COL28A1: variants seen among roughly 807,000 people sequenced by gnomAD.
The protein encoded by COL28A1 is collagen alpha-1(XXVIII) chain.
In COL28A1, 161 loss-of-function variants were observed where a neutral mutation model predicts 150.2. The ratio of observed to expected loss-of-function variants is 1.07; its 90% CI spans 0.94 to 1.22. The LOEUF is 1.22. COL28A1 is among the 50% of genes most tolerant of loss of function. The pLI, the probability that COL28A1 is intolerant of heterozygous loss-of-function variation, is 0.00. For synonymous variants in COL28A1, 552 were observed against 469.7 expected (o/e 1.18, Z -2.26); for missense variants, 1,617 against 1,388.3 (o/e 1.16, Z -2.62).
rs560625871 is a variant in COL28A1 at position 7,412,580 on chromosome 7, T to C, written c.2136+5279A>G. On this transcript the variant is annotated intron_variant, in intron 27 of 34. Transcript: ENST00000399429. ...TGAATAGCTGCAAACATTTTCCATA[T>C]ATATAACCATGTATTACATGCATTA... Among the ~76,000 whole-genome samples, 21 of 152,224 alleles carry C rather than the reference T, an allele frequency of 1.4e-4. 1 individual carries two copies. The highest frequency in any genetic ancestry group is 4.3e-4 in the African/African-American group (18 of 41,478).
intron 32 of COL28A1, among the ~76,000 whole-genome samples, chr7:7,371,139 T>C (rs1781204576): frequency 6.6e-6 from 1 of 152,182 alleles, no homozygotes; most frequent in Admixed American, 6.5e-5. Context: ...CGTGAATCAC[T>C]CCTTGTCAAG....
At chr7:7,538,476 A>C (rs1188915431), upstream of COL28A1, among the ~76,000 whole-genome samples, 1 of 152,228 alleles carries the variant, frequency 6.6e-6, no homozygotes, top group Non-Finnish European at 1.5e-5. Context: ...AGTGTTTATC[A>C]GTCACTTGAG....
the COL28A1 span, among the ~76,000 whole-genome samples, chr7:7,341,253 A>C: frequency 2.6e-5 from 4 of 152,134 alleles, no homozygotes; most frequent in African/African-American, 7.2e-5. Context: ...GAGATGTGTC[A>C]ATTTTATTAG....
chr7:7,443,209 A>C (rs1583385669), intron 20 of COL28A1, among the ~76,000 whole-genome samples: 1 of 152,196 alleles, frequency 6.6e-6, no homozygotes, highest in African/African-American at 2.4e-5. Context: ...GTGAAGTGAA[A>C]TGGCCATTCA....
At chr7:7,406,443 G>C (rs571920782) in intron 27 of COL28A1, among the ~76,000 whole-genome samples, 2 of 152,204 alleles carry the variant, frequency 1.3e-5, no homozygotes, top group South Asian at 4.2e-4. Flanking sequence ...GAAGGAGAGG[G>C]GGATAAAAGA....
At chr7:7,443,532 C>T in intron 20 of COL28A1, 53 bp downstream of exon 20, 1 of 1,601,094 alleles carries the variant, frequency 6.2e-7, no homozygotes, top group Non-Finnish European at 8.5e-7. Context: ...GTTGGCTCCT[C>T]AGTATGAGGA....
intron 27 of COL28A1, among the ~76,000 whole-genome samples, chr7:7,394,207 G>T (rs1782714791): frequency 1.3e-5 from 2 of 152,116 alleles, no homozygotes; most frequent in Non-Finnish European, 2.9e-5. Flanking sequence ...GACCCCTTGT[G>T]CTTTCCAGGT....
At chr7:7,453,108 G>A (rs1786843330) in intron 17 of COL28A1, among the ~76,000 whole-genome samples, 1 of 152,160 alleles carries the variant, frequency 6.6e-6, no homozygotes, top group Admixed American at 6.5e-5. Flanking sequence ...TCAGAGTGGT[G>A]GTGAGAATGA....
chr7:7,522,019 A>G (rs1443090094), intron 4 of COL28A1, 58 bp from the exon 5 acceptor site: 1 of 832,776 alleles, frequency 1.2e-6, no homozygotes, highest in African/African-American at 1.7e-5. Flanking sequence ...TGTATGCAGC[A>G]TTTCAAATTG....
At chr7:7,356,308 C>A (rs1178872050), downstream of COL28A1, 1 of 152,100 alleles carries the variant, frequency 6.6e-6, no homozygotes, top group Non-Finnish European at 1.5e-5. Context: ...GTCAACAGCA[C>A]ATTGACATGG....
chr7:7,497,291 A>G (rs1780272672), intron 11 of COL28A1, among the ~76,000 whole-genome samples: 1 of 152,232 alleles, frequency 6.6e-6, no homozygotes, highest in Admixed American at 6.5e-5. Context: ...CAAAATGCTT[A>G]ACTACTTAAT....
intron 25 of COL28A1, among the ~76,000 whole-genome samples, chr7:7,427,062 GTACGTACA>G (rs1486224336): frequency 1.3e-5 from 2 of 152,184 alleles, no homozygotes; most frequent in Non-Finnish European, 1.5e-5. Flanking sequence ...TGAAGGAAAA[GTACGTACA>G]TACTCATAAG....
chr7:7,381,642 A>T, intron 27 of COL28A1, 30 bp from the exon 28 acceptor site: 2 of 1,564,230 alleles, frequency 1.3e-6, no homozygotes, highest in Non-Finnish European at 1.8e-6. Context: ...GAGATGTTCT[A>T]TTAATTTCCC....
At chr7:7,349,889 T>TC in the COL28A1 span, among the ~76,000 whole-genome samples, 188 of 152,140 alleles carry the variant, frequency 1.2e-3, 1 homozygote, top group Non-Finnish European at 2.2e-3. Context: ...AAGGGAAAAT[T>TC]CCAAAGGGAA....
Position 7,440,842 on chromosome 7 carries a change from C to A in COL28A1, c.1670G>T (p.Gly557Val). ...CCTCTGTCCTTGATTTCCTTTGCTCCCTTTCTTGCCTTCGTCACCCTAACA... is the reference window on the plus strand; with the variant it reads ...CCTCTGTCCTTGATTTCCTTTGCTCACTTTCTTGCCTTCGTCACCCTAACA... ...PGPKGDEGKK[G>V]SKGNQGQRGL... The change falls in exon 21 of 35, where the codon GGG becomes GTG. Residue 557 changes from glycine (G) to valine (V), a missense_variant. Transcript: ENST00000399429. 6.5e-7 allele frequency: 1 copy of A among 1,536,410 alleles called. No individual in the cohort carries two copies. Among genetic ancestry groups the A allele is most frequent in the Non-Finnish European group, 9.0e-7 (1 of 1,109,882 alleles).
At chr7:7,436,235 A>G (rs987768) in intron 23 of COL28A1, among the ~76,000 whole-genome samples, 160 bp downstream of exon 23, 1 of 152,186 alleles carries the variant, frequency 6.6e-6, no homozygotes, top group East Asian at 1.9e-4. Context: ...AAAATAAACT[A>G]TGTGATTGCT....
At chr7:7,446,374 T>A (rs930000786) in intron 18 of COL28A1, among the ~76,000 whole-genome samples, 1 of 152,110 alleles carries the variant, frequency 6.6e-6, no homozygotes, top group Non-Finnish European at 1.5e-5. Context: ...GAGAAAAATA[T>A]GAATTATATA....
chr7:7,374,916 T>C (rs1781462607), intron 31 of COL28A1, among the ~76,000 whole-genome samples: 1 of 152,210 alleles, frequency 6.6e-6, no homozygotes, highest in East Asian at 1.9e-4. Context: ...ATTTCTTTAC[T>C]TCCTCTTTCT....
rs1780858159 is a variant in COL28A1 at position 7,507,176 on chromosome 7, T to C, written c.928-15A>G. 1 of 1,085,866 alleles carries C rather than the reference T, an allele frequency of 9.2e-7. No individual in the cohort carries two copies. The highest frequency in any genetic ancestry group is 2.4e-5 in the East Asian group (1 of 41,760). The allele number at this position is 1,085,866 out of a possible 1,614,324, so 67.3% of individuals were successfully genotyped here. ...CCTGGGGATCCCTGTGGAATAAAAT[T>C]GAAAATAAGTCTCTCTAAATATACA... On this transcript the variant is annotated splice_polypyrimidine_tract_variant and intron_variant, in intron 9 of 34. Transcript: ENST00000399429.
Sources: gnomAD v4.1 joint callset for allele counts (sites outside exome capture counted in the v4.1 genomes callset) on GRCh38, gnomAD v4.1.1 for gene constraint, MANE v1.5 for transcripts, NCBI Gene and HGNC (gene_info 2026-07-23, HGNC 2026-07-21) for gene names.